SCARA5: variants seen among roughly 807,000 people sequenced by gnomAD.
The protein encoded by SCARA5 is scavenger receptor class A member 5, also known as scavenger receptor class A, member 5 (putative).
In SCARA5, 45 loss-of-function variants were observed where a neutral mutation model predicts 46.3. That is an observed-to-expected ratio of 0.97 (90% CI 0.76 to 1.24). The LOEUF (loss-of-function observed/expected upper bound fraction) is 1.24. SCARA5 is among the 50% of genes most tolerant of loss of function. The probability of loss-of-function intolerance (pLI) is 0.00; values close to 1 mark genes in which losing one functional copy is unlikely to be tolerated. For synonymous variants in SCARA5, 333 were observed against 306.5 expected, an observed-to-expected ratio of 1.09 and a Z score of -0.90; for missense variants, 680 against 689.0, an observed-to-expected ratio of 0.99 and a Z score of 0.15.
At chr8:27,980,412 T>TCCAGACTGTA (rs1808595134) in intron 2 of SCARA5, among the ~76,000 whole-genome samples, 1 of 152,150 alleles carries the variant, frequency 6.6e-6, no homozygotes, top group South Asian at 2.1e-4. Flanking sequence ...GCCCATCCAC[T>TCCAGACTGTA]CCAGACTGTA....
intron 3 of SCARA5, among the ~76,000 whole-genome samples, chr8:27,941,277 T>C (rs1489726861): frequency 1.3e-5 from 2 of 152,146 alleles, no homozygotes; most frequent in Non-Finnish European, 2.9e-5. Flanking sequence ...TTAGACACAG[T>C]TAGTTAGATT....
chr8:27,907,048 C>T (rs140535501), intron 6 of SCARA5, 100 bp downstream of exon 6: 12 of 773,236 alleles, frequency 1.6e-5, no homozygotes, highest in African/African-American at 1.1e-4. Context: ...CCCGCTGGTC[C>T]GTGGCACAGT....
At chr8:27,933,245 G>T (rs7016618) in intron 3 of SCARA5, among the ~76,000 whole-genome samples, 2,073 of 151,966 alleles carry the variant, frequency 0.014, 24 homozygotes, top group Non-Finnish European at 0.021. Flanking sequence ...GATTCAGCTG[G>T]GCACAGTGGC....
intron 3 of SCARA5, among the ~76,000 whole-genome samples, chr8:27,944,224 T>C (rs1425654369): frequency 6.6e-6 from 1 of 152,222 alleles, no homozygotes; most frequent in Non-Finnish European, 1.5e-5. Context: ...TCAGGAGTTT[T>C]AAAAATGGTT....
chr8:27,883,625 G>C (rs1806845396), intron 7 of SCARA5, among the ~76,000 whole-genome samples: 1 of 152,178 alleles, frequency 6.6e-6, no homozygotes, highest in Non-Finnish European at 1.5e-5. Context: ...CTGTGGACTG[G>C]CATTTAGATT....
chr8:27,885,300 A>T (rs1170886798), intron 7 of SCARA5, among the ~76,000 whole-genome samples: 1 of 152,054 alleles, frequency 6.6e-6, no homozygotes, highest in African/African-American at 2.4e-5. Context: ...TCCTTTCTGT[A>T]CTCTGGCCTA....
At chr8:27,979,720 G>A (rs1360475587) in intron 2 of SCARA5, among the ~76,000 whole-genome samples, 1 of 152,058 alleles carries the variant, frequency 6.6e-6, no homozygotes, top group Non-Finnish European at 1.5e-5. Context: ...CGCCACGCCT[G>A]GCTAATTTTT....
intron 3 of SCARA5, among the ~76,000 whole-genome samples, chr8:27,958,729 C>T (rs1019045167): frequency 3.3e-5 from 5 of 152,336 alleles, no homozygotes; most frequent in South Asian, 4.1e-4. Context: ...TAACTGGGAT[C>T]GCTGACAAGA....
At chr8:27,899,628 G>A (rs1807118884) in intron 7 of SCARA5, among the ~76,000 whole-genome samples, 1 of 152,204 alleles carries the variant, frequency 6.6e-6, no homozygotes, top group Non-Finnish European at 1.5e-5. Flanking sequence ...GCTTCCTAGT[G>A]CCCAGAGGCT....
chr8:27,903,894 G>T (rs2129745244), intron 7 of SCARA5, among the ~76,000 whole-genome samples: 1 of 152,228 alleles, frequency 6.6e-6, no homozygotes, highest in Non-Finnish European at 1.5e-5. Context: ...GTGATATTCT[G>T]CTTGCGCCCT....
intron 3 of SCARA5, among the ~76,000 whole-genome samples, chr8:27,947,897 G>A (rs1431946498): frequency 1.3e-5 from 2 of 151,936 alleles, no homozygotes; most frequent in African/African-American, 2.4e-5. Context: ...GACAAACACT[G>A]TCTGATTCCA....
chr8:27,885,784 G>A (rs1806885863), intron 7 of SCARA5, among the ~76,000 whole-genome samples: 1 of 152,222 alleles, frequency 6.6e-6, no homozygotes, highest in Non-Finnish European at 1.5e-5. Context: ...GTGAGAGAAT[G>A]GGGACATGGC....
chr8:27,975,667 T>A (rs1032222730), intron 2 of SCARA5, among the ~76,000 whole-genome samples: 1 of 152,164 alleles, frequency 6.6e-6, no homozygotes, highest in Non-Finnish European at 1.5e-5. Context: ...CATTCTGTGA[T>A]GAGTGAGCGA....
At chr8:27,920,247 G>T (rs1265247852) in intron 4 of SCARA5, among the ~76,000 whole-genome samples, 9 of 152,132 alleles carry the variant, frequency 5.9e-5, no homozygotes. Context: ...AAGGTGGGAG[G>T]ATCACTTGAG....
At position 27,909,647 on chromosome 8, in the gene SCARA5, G is replaced by C. The variant is rs1807339436; in HGVS notation, c.997+16C>G. On this transcript the variant is annotated intron_variant, in intron 5 of 8. Coordinates refer to ENST00000354914, the MANE Select transcript of SCARA5 (RefSeq NM_173833.6). Reference sequence around the variant, plus strand: ...GGGGATCTCTCCCAGGTACCACCCAGGGGCACGCTCATTACCTCGAAGTCC... The same window carrying C: ...GGGGATCTCTCCCAGGTACCACCCACGGGCACGCTCATTACCTCGAAGTCC... 1.3e-6 allele frequency: 2 copies of C among 1,522,832 alleles called. No homozygotes were observed. The highest frequency in any genetic ancestry group is 1.4e-5 in the African/African-American group (1 of 72,600). 94.3% of individuals were successfully genotyped at this position (1,522,832 alleles called of 1,614,324 possible).
intron 4 of SCARA5, among the ~76,000 whole-genome samples, chr8:27,917,692 G>A (rs1040063068): frequency 3.3e-5 from 5 of 152,186 alleles, no homozygotes; most frequent in African/African-American, 9.7e-5. Context: ...GTGAGGATTC[G>A]TGGTCTTGAA....
At chr8:27,913,610 C>T (rs1807413493) in intron 4 of SCARA5, among the ~76,000 whole-genome samples, 3 of 152,196 alleles carry the variant, frequency 2.0e-5, no homozygotes, top group Non-Finnish European at 4.4e-5. Flanking sequence ...ACTGCCTCCA[C>T]CCTCGTCAGG....
At chr8:27,877,128 G>A (rs1563509770) in intron 8 of SCARA5, among the ~76,000 whole-genome samples, 1 of 152,270 alleles carries the variant, frequency 6.6e-6, no homozygotes, top group East Asian at 1.9e-4. Context: ...GAAACTGCTT[G>A]TAGAGAGGAG....
At chr8:27,914,073 G>T (rs574180092) in intron 4 of SCARA5, among the ~76,000 whole-genome samples, 1 of 152,288 alleles carries the variant, frequency 6.6e-6, no homozygotes, top group Admixed American at 6.5e-5. Flanking sequence ...AATCATGGGG[G>T]TGGGTCTTTC....
Sources: allele counts gnomAD v4.1 joint callset (sites outside exome capture counted in the v4.1 genomes callset), GRCh38; gene constraint gnomAD v4.1.1; transcripts MANE v1.5; gene names NCBI Gene and HGNC (gene_info 2026-07-23, HGNC 2026-07-21).